TMCC1: variants seen among roughly 807,000 people sequenced by gnomAD.
The protein encoded by TMCC1 is transmembrane and coiled-coil domain family 1, also known as transmembrane and coiled-coil domains protein 1.
TMCC1 carries 15 observed loss-of-function variants against 52.4 expected under a neutral mutation model. That is an observed-to-expected ratio of 0.29 (90% CI 0.19 to 0.44). The LOEUF is 0.44. TMCC1 is among the 20% of genes least tolerant of loss of function. The probability of loss-of-function intolerance (pLI) is 1.00; values close to 1 mark genes in which losing one functional copy is unlikely to be tolerated. For synonymous variants in TMCC1, 279 were observed against 301.9 expected (o/e 0.92, Z 0.79); for missense variants, 503 against 806.0 (o/e 0.62, Z 4.55).
At chr3:129,760,454 CTGTGTGTGTGTGTGTGTG>C (rs61394124) in intron 4 of TMCC1, among the ~76,000 whole-genome samples, 25 of 128,978 alleles carry the variant, frequency 1.9e-4, no homozygotes, top group African/African-American at 4.3e-4. Flanking sequence ...CAGTCTCGCT[CTGTGTGTGTGTGTGTGTG>C]TGTGTGTGTG....
chr3:129,848,970 TAC>T (rs375604034), intron 2 of TMCC1, among the ~76,000 whole-genome samples: 38 of 152,308 alleles, frequency 2.5e-4, no homozygotes, highest in African/African-American at 9.1e-4. Flanking sequence ...TTGCCCATTC[TAC>T]AGTCTTATTG....
rs1358312179 is a variant in TMCC1, at chr3:129,832,819, A to C, written c.-176T>G. On this transcript the variant is annotated 5_prime_UTR_variant, in exon 3 of 7. Coordinates refer to ENST00000393238, the MANE Select transcript of TMCC1 (RefSeq NM_001017395.5). Reference sequence around the variant, plus strand: ...CACTTCTAAGGTGTACAATCCTTTTAGGAAAAGCTGAAAAGCAAATATTAA... The same window carrying C: ...CACTTCTAAGGTGTACAATCCTTTTCGGAAAAGCTGAAAAGCAAATATTAA... 2.6e-5 allele frequency: 4 copies of C among 152,224 alleles called. No homozygotes were observed. The highest frequency in any genetic ancestry group is 1.5e-5 in the Non-Finnish European group (1 of 68,038). 9.4% of individuals were successfully genotyped at this position (152,224 alleles called of 1,614,324 possible). A position where few individuals can be genotyped will look rare whatever the true frequency, so the allele number is the denominator to read the frequency against.
chr3:129,686,673 T>C (rs116799491), intron 4 of TMCC1, among the ~76,000 whole-genome samples: 2,392 of 152,100 alleles, frequency 0.016, 68 homozygotes, highest in African/African-American at 0.054. Flanking sequence ...ACAATATAAA[T>C]TGTGTAAAGT....
rs183233166 is a variant in TMCC1, at chr3:129,744,862, G to A, written c.577-73598C>T. On this transcript the variant is annotated intron_variant, in intron 4 of 6. Transcript: ENST00000393238. ...TAATAAAGAAGGATTTCAAATCCAC[G>A]GTTTTCAGCTTACAAAGCCTATCTG... 5.8e-4 allele frequency among the ~76,000 whole-genome samples: 89 copies of A among 152,212 alleles called. 1 individual carries two copies. In the South Asian group the frequency reaches 0.011, roughly 20 times the overall value.
chr3:129,822,901 T>C (rs1285951645), intron 4 of TMCC1, among the ~76,000 whole-genome samples: 1 of 152,348 alleles, frequency 6.6e-6, no homozygotes, highest in African/African-American at 2.4e-5. Context: ...GGGACTCATT[T>C]TGCAACTCAA....
chr3:129,813,387 A>T (rs2057928687), intron 4 of TMCC1, among the ~76,000 whole-genome samples: 1 of 152,236 alleles, frequency 6.6e-6, no homozygotes, highest in Admixed American at 6.5e-5. Context: ...TATTCACAAT[A>T]GCAAAGACAT....
intron 2 of TMCC1, among the ~76,000 whole-genome samples, chr3:129,852,705 T>C (rs1188669042): frequency 6.6e-6 from 1 of 152,162 alleles, no homozygotes; most frequent in Non-Finnish European, 1.5e-5. Flanking sequence ...CTGTTACGTG[T>C]TACCACAATT....
chr3:129,799,076 TA>T (rs570799941), intron 4 of TMCC1, among the ~76,000 whole-genome samples: 148 of 152,300 alleles, frequency 9.7e-4, no homozygotes, highest in African/African-American at 3.3e-3. Flanking sequence ...AGTAAGAAGT[TA>T]AAAGATGTTG....
chr3:129,767,622 G>T (rs2054238011), intron 4 of TMCC1, among the ~76,000 whole-genome samples: 1 of 152,126 alleles, frequency 6.6e-6, no homozygotes, highest in Non-Finnish European at 1.5e-5. Flanking sequence ...TCCCCTCAAA[G>T]AAACCTTTTG....
At chr3:129,790,313 T>C (rs893373721) in intron 4 of TMCC1, among the ~76,000 whole-genome samples, 3 of 152,222 alleles carry the variant, frequency 2.0e-5, no homozygotes, top group Admixed American at 6.5e-5. Flanking sequence ...TTATCTTTCA[T>C]GTTAGAATGG....
At chr3:129,835,531 T>C (rs1473646488) in intron 2 of TMCC1, among the ~76,000 whole-genome samples, 2 of 152,116 alleles carry the variant, frequency 1.3e-5, no homozygotes, top group African/African-American at 4.8e-5. Context: ...GAGGTTTCTA[T>C]AAAGAACAAA....
At chr3:129,721,145 C>T (rs191824153) in intron 4 of TMCC1, among the ~76,000 whole-genome samples, 42 of 152,284 alleles carry the variant, frequency 2.8e-4, no homozygotes, top group Admixed American at 2.7e-3. Flanking sequence ...CTTGTAAACA[C>T]TGTGAAAACT....
chr3:129,812,826 AC>A (rs1372877221), intron 4 of TMCC1, among the ~76,000 whole-genome samples: 14 of 152,176 alleles, frequency 9.2e-5, no homozygotes, highest in African/African-American at 3.4e-4. Flanking sequence ...AACAAATGGG[AC>A]CCAATGAAAC....
intron 4 of TMCC1, among the ~76,000 whole-genome samples, chr3:129,718,344 T>G (rs2049267515): frequency 6.6e-6 from 1 of 152,214 alleles, no homozygotes; most frequent in African/African-American, 2.4e-5. Context: ...TTGCTAGCAG[T>G]GAGTGAAGTA....
At chr3:129,835,945 A>G (rs2059140467) in intron 2 of TMCC1, among the ~76,000 whole-genome samples, 1 of 152,348 alleles carries the variant, frequency 6.6e-6, no homozygotes, top group East Asian at 1.9e-4. Flanking sequence ...ATTACATTAA[A>G]TGTAATTGGA....
At chr3:129,797,539 CGA>C (rs2056916517) in intron 4 of TMCC1, among the ~76,000 whole-genome samples, 1 of 151,960 alleles carries the variant, frequency 6.6e-6, no homozygotes, top group Non-Finnish European at 1.5e-5. Context: ...CTCAGAAATT[CGA>C]GAGTAGCCTG....
intron 4 of TMCC1, among the ~76,000 whole-genome samples, chr3:129,768,561 A>G (rs1302425464): frequency 6.6e-6 from 1 of 152,152 alleles, no homozygotes; most frequent in East Asian, 1.9e-4. Context: ...TAAACCATCC[A>G]TTCTTTTTCT....
Position 129,697,276 on chromosome 3 carries a change from C to T in TMCC1, c.577-26012G>A, listed in dbSNP as rs946455874. Among the ~76,000 whole-genome samples, 3 of 152,354 alleles carry T rather than the reference C, an allele frequency of 2.0e-5. No individual in the cohort carries two copies. The South Asian group carries it at 6.2e-4, about 32-fold the overall frequency. On this transcript the variant is annotated intron_variant, in intron 4 of 6. Transcript: ENST00000393238. ...GACTTTTGTGTACCTACAGGCTCAA[C>T]ACCACATGGAAGCTACCAAGGTATA...
intron 4 of TMCC1, among the ~76,000 whole-genome samples, chr3:129,734,874 C>T (rs1363433128): frequency 6.6e-6 from 1 of 151,822 alleles, no homozygotes; most frequent in Non-Finnish European, 1.5e-5. Context: ...CATACAGCCA[C>T]CCATTAATCT....
Sources: allele counts gnomAD v4.1 joint callset (sites outside exome capture counted in the v4.1 genomes callset), GRCh38; gene constraint gnomAD v4.1.1; transcripts MANE v1.5; gene names NCBI Gene and HGNC (gene_info 2026-07-23, HGNC 2026-07-21).